FABP1: variants seen among roughly 807,000 people sequenced by gnomAD.
The protein encoded by FABP1 is fatty acid binding protein 1, also known as fatty acid-binding protein, liver.
Under a neutral mutation model 13.7 loss-of-function variants are expected in FABP1, and 13 were observed. The observed-to-expected ratio is 0.95, with a 90% CI of 0.62 to 1.51. The LOEUF (loss-of-function observed/expected upper bound fraction) is 1.51, where lower values mean the gene tolerates loss of function less well. Ranked by LOEUF, FABP1 falls within the 40% of genes most tolerant of loss-of-function variation. The probability of loss-of-function intolerance (pLI) is 0.00; values close to 1 mark genes in which losing one functional copy is unlikely to be tolerated. For synonymous variants in FABP1, 48 were observed against 59.8 expected (o/e 0.80, Z 0.91); for missense variants, 140 against 155.7 (o/e 0.90, Z 0.54).
Position 88,128,011 on chromosome 2 carries a change from A to G in FABP1, c.7T>C (p.Phe3Leu). 1 of 1,614,204 alleles carries G rather than the reference A, an allele frequency of 6.2e-7. No homozygotes were observed. The highest frequency in any genetic ancestry group is 8.5e-7 in the Non-Finnish European group (1 of 1,180,034). The change falls in exon 1 of 4, where the codon TTC becomes CTC. Residue 3 changes from phenylalanine to leucine, a missense_variant. Physicochemically the swap from Phe to Leu is conservative, Grantham distance 22. Coordinates refer to ENST00000295834, the MANE Select transcript of FABP1 (RefSeq NM_001443.3). Reference protein sequence around the residue: MSFSGKYQLQSQE... With the variant: MSLSGKYQLQSQE... ...CTCTGCAGTTGGTACTTGCCGGAGA[A>G]ACTCATGGTGGCAATAGAGCTCCCT... is the stretch of plus-strand genomic sequence containing the variant.
At chr2:88,123,867 T>G (rs1201338801) in intron 3 of FABP1, 2 of 152,348 alleles carry the variant, frequency 1.3e-5, no homozygotes, top group Non-Finnish European at 2.9e-5. Flanking sequence ...GCTCATCTCC[T>G]GCTCCCCTGC....
chr2:88,125,930 C>T (rs2104036252), intron 2 of FABP1: 1 of 377,400 alleles, frequency 2.6e-6, no homozygotes, highest in African/African-American at 2.0e-5. Flanking sequence ...CTCCCATATC[C>T]TCCATATGGG....
rs1123605 is a variant in FABP1, at chr2:88,124,389, G to A, written c.333+105C>T. On this transcript the variant is annotated intron_variant, in intron 3 of 3. Coordinates refer to ENST00000295834, the MANE Select transcript of FABP1 (RefSeq NM_001443.3). ...CCACAGGAAAGAAGTTTGGGGGTTGGAGGGTGGAGGGGTGGCATTAGGGTA... is the reference window on the plus strand; with the variant it reads ...CCACAGGAAAGAAGTTTGGGGGTTGAAGGGTGGAGGGGTGGCATTAGGGTA... 11 of 743,902 alleles carry A rather than the reference G, an allele frequency of 1.5e-5. No individual in the cohort carries two copies. In the Admixed American group the frequency reaches 2.5e-4, roughly 17 times the overall value. The allele number at this position is 743,902 out of a possible 1,614,324, so 46.1% of individuals were successfully genotyped here.
intron 3 of FABP1, chr2:88,123,408 T>A: frequency 5.4e-6 from 2 of 372,436 alleles, no homozygotes; most frequent in Non-Finnish European, 9.7e-6. Flanking sequence ...CCAATCTAAT[T>A]TCTCAAAATT....
chr2:88,125,490 G>T (rs1275398152), intron 2 of FABP1, among the ~76,000 whole-genome samples: 1 of 152,166 alleles, frequency 6.6e-6, no homozygotes, highest in Non-Finnish European at 1.5e-5. Context: ...CACCCCCATT[G>T]CCAGGATCCC....
Position 88,126,168 on chromosome 2 carries a change from C to T in FABP1, c.240+8G>A, listed in dbSNP as rs771034971. ...AAAGTTCTGACAGCAGAAGGGATGC[C>T]CTCCTACCTTGACTTTCTCCCCTGT... On this transcript the variant is annotated splice_region_variant and intron_variant, in intron 2 of 3. Transcript: ENST00000295834. 18 of 1,594,498 alleles carry T rather than the reference C, an allele frequency of 1.1e-5. 1 individual carries two copies. The East Asian group carries it at 1.6e-4, about 14-fold the overall frequency.
intron 2 of FABP1, chr2:88,125,921 TC>T (rs1675287607): frequency 2.9e-6 from 1 of 348,054 alleles, no homozygotes; most frequent in Non-Finnish European, 5.3e-6. Context: ...TGCCTGGTTC[TC>T]CCATATCCTC....
rs1252731999 is a variant in FABP1, at chr2:88,126,801, G to A, written c.68-453C>T. 10 of 162,934 alleles carry A rather than the reference G, an allele frequency of 6.1e-5. No homozygotes were observed. The South Asian group carries it at 1.4e-3, about 23-fold the overall frequency. The allele number at this position is 162,934 out of a possible 1,614,324, so 10.1% of individuals were successfully genotyped here. On this transcript the variant is annotated intron_variant, in intron 1 of 3. Transcript: ENST00000295834. ...CATGCCAGGCCAACATACACAAAGC[G>A]GCACTGTGCCAGGCAAGCCTGTGTC...
chr2:88,126,425 G>A (rs545222917), intron 1 of FABP1, 77 bp from the exon 2 acceptor site: 59 of 1,441,830 alleles, frequency 4.1e-5, no homozygotes, highest in Middle Eastern at 3.6e-4. Context: ...TGAGAGAAAC[G>A]ACATGACATG....
intron 3 of FABP1, chr2:88,124,026 T>C (rs1344263266): frequency 6.5e-6 from 1 of 154,660 alleles, no homozygotes; most frequent in Non-Finnish European, 1.4e-5. Flanking sequence ...CCCTAAAGCA[T>C]ATTCTGGGGG....
rs76978814 is a variant in FABP1 at position 88,124,905 on chromosome 2, G to A, written c.241-319C>T. On this transcript the variant is annotated intron_variant, in intron 2 of 3. Transcript: ENST00000295834. Reference sequence around the variant, plus strand: ...ATCTCAATTCTCCCAAGCTAATGGAGGGAGGTAGTGGCAAAATTCAAATAT... The same window carrying A: ...ATCTCAATTCTCCCAAGCTAATGGAAGGAGGTAGTGGCAAAATTCAAATAT... Among the ~76,000 whole-genome samples, 493 of 151,944 alleles carry A rather than the reference G, an allele frequency of 3.2e-3. 5 individuals are homozygous for A. The highest frequency in any genetic ancestry group is 0.011 in the African/African-American group (450 of 41,412).
At chr2:88,126,575 A>G (rs1675302374) in intron 1 of FABP1, 1 of 477,914 alleles carries the variant, frequency 2.1e-6, no homozygotes, top group African/African-American at 1.9e-5. Flanking sequence ...GTCAATTTAT[A>G]AAAAGGACAC....
intron 2 of FABP1, 112 bp downstream of exon 2, chr2:88,126,064 G>T: frequency 9.0e-7 from 1 of 1,107,526 alleles, no homozygotes; most frequent in South Asian, 1.7e-5. Context: ...CATGGGAGGT[G>T]GGTTCAGAGA....
chr2:88,124,336 A>G (rs530520116), intron 3 of FABP1, 158 bp downstream of exon 3: 51 of 569,400 alleles, frequency 9.0e-5, no homozygotes, highest in Non-Finnish European at 1.5e-4. Context: ...GACATGATGG[A>G]TCCTCAGTAA....
At chr2:88,124,206 C>T (rs750241882) in intron 3 of FABP1, 10 of 373,990 alleles carry the variant, frequency 2.7e-5, no homozygotes, top group African/African-American at 4.2e-5. Context: ...TCTTTATAAA[C>T]GCTAAATGGG....
chr2:88,124,548 T>C lies in FABP1; in HGVS notation c.279A>G (p.Thr93=). ...VQLEGDNKLV[T]TFKNIKSVTE... is the part of the protein sequence containing the mutation. ...TCACAGACTTGATGTTTTTGAAAGT[T>C]GTCACCAGTTTATTGTCACCTTCCA... is the stretch of plus-strand genomic sequence containing the variant. The change falls in exon 3 of 4, where the codon ACA becomes ACG. Residue 93 remains threonine (T), a synonymous_variant. Coordinates refer to ENST00000295834, the MANE Select transcript of FABP1 (RefSeq NM_001443.3). 6.2e-7 allele frequency: 1 copy of C among 1,611,812 alleles called. No individual in the cohort carries two copies.
At chr2:88,126,485 T>C (rs1304936947) in intron 1 of FABP1, 137 bp from the exon 2 acceptor site, 2 of 844,136 alleles carry the variant, frequency 2.4e-6, no homozygotes, top group Non-Finnish European at 3.8e-6. Context: ...AGAAACTCAC[T>C]GGGGGCTTGT....
Position 88,127,868 on chromosome 2 carries a change from T to C in FABP1, c.67+83A>G, listed in dbSNP as rs1675328865. ...CTGAATCTCTCCCCCCATCTCAACA[T>C]TTGGACCCTAAATAGCCACTGCTGG... On this transcript the variant is annotated intron_variant, in intron 1 of 3. Coordinates refer to ENST00000295834, the MANE Select transcript of FABP1 (RefSeq NM_001443.3). The C allele has an allele frequency of 2.9e-6, 4 of 1,368,186 alleles. No homozygotes were observed. In the African/African-American group the frequency reaches 4.3e-5, roughly 15 times the overall value. The allele number at this position is 1,368,186 out of a possible 1,614,324, so 84.8% of individuals were successfully genotyped here.
chr2:88,124,559 T>A lies in FABP1; in HGVS notation c.268A>T (p.Lys90Ter). The change falls in exon 3 of 4, where the codon AAA becomes TAA. Residue 90 changes from lysine to a stop codon, truncating the protein, a stop_gained. Transcript: ENST00000295834. LOFTEE classifies it high-confidence loss of function. ...KTVVQLEGDNKLVTTFKNIKS... is the reference protein window; with the variant it reads ...KTVVQLEGDN ...ATGTTTTTGAAAGTTGTCACCAGTT[T>A]ATTGTCACCTTCCAACTGAACCACT... is the stretch of plus-strand genomic sequence containing the variant. The A allele has an allele frequency of 1.2e-6, 2 of 1,611,378 alleles. No homozygotes were observed. The highest frequency in any genetic ancestry group is 1.7e-6 in the Non-Finnish European group (2 of 1,178,800).
Sources: allele counts gnomAD v4.1 joint callset (sites outside exome capture counted in the v4.1 genomes callset), GRCh38; gene constraint gnomAD v4.1.1; transcripts MANE v1.5; gene names NCBI Gene and HGNC (gene_info 2026-07-23, HGNC 2026-07-21).